Variants in CROCC2 observed in about 807,000 individuals in gnomAD.
CROCC2 encodes ciliary rootlet coiled-coil protein 2.
In CROCC2, 163 loss-of-function variants were observed where a neutral mutation model predicts 177.6. The observed-to-expected ratio is 0.92, with a 90% CI of 0.81 to 1.05. The LOEUF is 1.05. Among genes scored for constraint, CROCC2 ranks in the 50% least tolerant of loss-of-function variants. The probability of loss-of-function intolerance (pLI) is 0.00; values close to 1 mark genes in which losing one functional copy is unlikely to be tolerated. For missense variants in CROCC2, 1,929 were observed against 1,797.8 expected (o/e 1.07, Z -1.32); for synonymous variants, 904 against 787.3 (o/e 1.15, Z -2.48).
intron 1 of CROCC2, among the ~76,000 whole-genome samples, chr2:240,913,501 C>A (rs749222784): frequency 6.6e-6 from 1 of 152,210 alleles, no homozygotes; most frequent in African/African-American, 2.4e-5. Context: ...AGGAGCAGTG[C>A]GCTGTGTCCG....
intron 28 of CROCC2, among the ~76,000 whole-genome samples, chr2:240,983,873 A>T (rs1424516847): frequency 6.6e-6 from 1 of 152,060 alleles, no homozygotes; most frequent in Non-Finnish European, 1.5e-5. Context: ...GACACATCAC[A>T]CACCCCAGAG....
In CROCC2 at chr2:240,918,925, G is replaced by T. The variant is rs772492750; in HGVS notation, c.229+49G>T. The T allele has an allele frequency of 2.1e-5, 14 of 665,008 alleles. No homozygotes were observed. In the South Asian group the frequency reaches 2.3e-4, roughly 11 times the overall value. The allele number at this position is 665,008 out of a possible 1,614,324, so 41.2% of individuals were successfully genotyped here. On this transcript the variant is annotated intron_variant, in intron 2 of 31. Coordinates refer to ENST00000690015, the MANE Select transcript of CROCC2 (RefSeq NM_001351305.2). This position sits in a 1 kb window ranked among gnomAD's most constrained non-coding sequence, Gnocchi z 6.3. ...GGGCCCGGGGCTGGCCAAGGTGACG[G>T]CGTGGGGGACAGTCCTGGGCCCGGT...
At chr2:240,974,410 C>T (rs1202007408) in intron 27 of CROCC2, among the ~76,000 whole-genome samples, 7 of 146,740 alleles carry the variant, frequency 4.8e-5, no homozygotes, top group African/African-American at 7.6e-5. Flanking sequence ...GGCATGATTT[C>T]GGCTCACTGC....
chr2:240,963,340 G>T, intron 20 of CROCC2: 6 of 546,362 alleles, frequency 1.1e-5, no homozygotes, highest in Non-Finnish European at 1.9e-5. Flanking sequence ...GGGTCTTCTG[G>T]GCTCTTAGGC....
In CROCC2 at chr2:240,965,979, G is replaced by C; in HGVS notation, c.3947G>C (p.Gly1316Ala). 4 of 1,369,568 alleles carry C rather than the reference G, an allele frequency of 2.9e-6. No homozygotes were observed. Among genetic ancestry groups the C allele is most frequent in the Non-Finnish European group, 3.7e-6 (4 of 1,068,412 alleles). 84.8% of individuals were successfully genotyped at this position (1,369,568 alleles called of 1,614,324 possible). ...CCGTGGGCCTCCCCGGAGCAGCCTG[G>C]TTCCCCCACCAAAGGTCAGAGTCCT... The part of the protein sequence containing the change: ...QSPWASPEQP[G>A]SPTKGSDSSQ... Residue 1316 changes from glycine (G) to alanine (A), a missense_variant, in exon 24 of 32, where the codon GGT becomes GCT. By Grantham distance (60) the Gly-to-Ala change is moderately conservative. This residue lies in a region of CROCC2 where 144 missense variants were observed against 205.2 expected (regional missense o/e 0.70). Coordinates refer to ENST00000690015, the MANE Select transcript of CROCC2 (RefSeq NM_001351305.2).
At chr2:240,963,899 G>A in intron 21 of CROCC2, 126 bp downstream of exon 21, 1 of 1,024,474 alleles carries the variant, frequency 9.8e-7, no homozygotes, top group Non-Finnish European at 1.4e-6. Flanking sequence ...CTGATGGTGG[G>A]GTAGACATGC....
chr2:240,920,934 T>C (rs1054357278), intron 3 of CROCC2, among the ~76,000 whole-genome samples: 1 of 152,054 alleles, frequency 6.6e-6, no homozygotes, highest in East Asian at 1.9e-4. Context: ...CCTTGTGGGG[T>C]ACTCAGGGCC....
chr2:240,926,331 A>T (rs2059395578), intron 5 of CROCC2, among the ~76,000 whole-genome samples: 1 of 152,192 alleles, frequency 6.6e-6, no homozygotes, highest in Non-Finnish European at 1.5e-5. Context: ...ACCCTGAGGC[A>T]TGCAGGGGGT....
intron 14 of CROCC2, among the ~76,000 whole-genome samples, chr2:240,941,103 A>G (rs539178957): frequency 1.3e-5 from 2 of 152,312 alleles, no homozygotes; most frequent in East Asian, 1.9e-4. Context: ...GCAAAAAAAA[A>G]TACTTAGGAA....
chr2:240,982,642 C>T lies in CROCC2; in HGVS notation c.4402-238C>T. On this transcript the variant is annotated intron_variant, in intron 27 of 31. Coordinates refer to ENST00000690015, the MANE Select transcript of CROCC2 (RefSeq NM_001351305.2). This position sits in a 1 kb window ranked among gnomAD's most constrained non-coding sequence, Gnocchi z 4.7. ...GCCCAAGTCTTTGCCCACGCTAGAC[C>T]AGACCCCCAGGACTTTCGTCTCAGG... 2.2e-6 allele frequency: 1 copy of T among 459,466 alleles called. No individual in the cohort carries two copies. The allele number at this position is 459,466 out of a possible 1,614,324, so 28.5% of individuals were successfully genotyped here. A position where few individuals can be genotyped will look rare whatever the true frequency, so the allele number is the denominator to read the frequency against.
chr2:240,935,005 C>T lies in CROCC2; in HGVS notation c.1881C>T (p.Ala627=), dbSNP rs1392273566. The change falls in exon 13 of 32, where the codon GCC becomes GCT. Residue 627 remains alanine, a synonymous_variant. Coordinates refer to ENST00000690015, the MANE Select transcript of CROCC2 (RefSeq NM_001351305.2). ...AAAGGGACTCCCTGGCCGCAATGGC[C>T]GCCTTGATGGAGGGGTTGGCTCAGG... is the stretch of plus-strand genomic sequence containing the variant. The part of the protein sequence containing the change: ...VEQRDSLAAM[A]ALMEGLAQDK... 1.4e-5 allele frequency: 20 copies of T among 1,437,882 alleles called. No homozygotes were observed. Among genetic ancestry groups the T allele is most frequent in the South Asian group, 4.5e-5 (3 of 66,650 alleles). The allele number at this position is 1,437,882 out of a possible 1,614,324, so 89.1% of individuals were successfully genotyped here.
Position 240,973,890 on chromosome 2 carries a change from G to A in CROCC2, c.4401+5628G>A, listed in dbSNP as rs898239454. On this transcript the variant is annotated intron_variant, in intron 27 of 31. Coordinates refer to ENST00000690015, the MANE Select transcript of CROCC2 (RefSeq NM_001351305.2). This position sits in a 1 kb window ranked among gnomAD's most constrained non-coding sequence, Gnocchi z 4.7. ...GAACACTCAAAATAACTTTTCTTGA[G>A]AGGTTCATTGAACTCCCCTGTACAT... 5.9e-5 allele frequency among the ~76,000 whole-genome samples: 9 copies of A among 152,196 alleles called. No individual in the cohort carries two copies. The highest frequency in any genetic ancestry group is 1.3e-4 in the Non-Finnish European group (9 of 68,040).
rs74000157 is a variant in CROCC2 at position 240,936,455 on chromosome 2, G to A, written c.2169+867G>A. 6.3e-3 allele frequency among the ~76,000 whole-genome samples: 957 copies of A among 152,292 alleles called. 10 individuals carry two copies. Among genetic ancestry groups the A allele is most frequent in the African/African-American group, 0.022 (917 of 41,550 alleles). On this transcript the variant is annotated intron_variant, in intron 14 of 31. Transcript: ENST00000690015. ...AGCCATGCAGTGTGGACGCTTTTGT[G>A]TCCAGCTTCTCTCTCTCAGCATCAT...
chr2:240,949,586 C>A lies in CROCC2; in HGVS notation c.2536C>A (p.Gln846Lys). Residue 846 changes from glutamine (Q) to lysine (K), a missense_variant, in exon 17 of 32, where the codon CAG becomes AAG. Gln to Lys is a moderately conservative substitution (Grantham distance 53). Coordinates refer to ENST00000690015, the MANE Select transcript of CROCC2 (RefSeq NM_001351305.2). This position sits in a 1 kb window ranked among gnomAD's most constrained non-coding sequence, Gnocchi z 4.5. The stretch of plus-strand genomic sequence containing the variant: ...GGAGGTCCAGGAAATGAAGCTGCGG[C>A]AGGACACGGTGCGGCTCCAGCGACA... ...DWEVQEMKLR[Q>K]DTVRLQRQVA... 6.4e-7 allele frequency: 1 copy of A among 1,550,580 alleles called. No homozygotes were observed. The highest frequency in any genetic ancestry group is 8.7e-7 in the Non-Finnish European group (1 of 1,146,964).
At position 240,932,822 on chromosome 2, in the gene CROCC2, C is replaced by T; in HGVS notation, c.1165C>T (p.Pro389Ser). The stretch of plus-strand genomic sequence containing the variant: ...CACATCCCCCCATCAAGGGGCGTCC[C>T]CACCACACATCTGCTCCCCAGCCAC... ...RATSPHQGAS[P>S]PHICSPATLD... The change falls in exon 9 of 32, where the codon CCA becomes TCA. Residue 389 changes from proline to serine, a missense_variant. Around this residue, in one of 3 missense-constraint regions of CROCC2, gnomAD observed 1,397 missense variants for 1,239.9 expected, o/e 1.13. Coordinates refer to ENST00000690015, the MANE Select transcript of CROCC2 (RefSeq NM_001351305.2). 1 of 1,541,838 alleles carries T rather than the reference C, an allele frequency of 6.5e-7. No homozygotes were observed. Among genetic ancestry groups the T allele is most frequent in the South Asian group, 1.2e-5 (1 of 83,080 alleles).
Position 240,993,053 on chromosome 2 carries a change from T to A in CROCC2, c.4947-13T>A. On this transcript the variant is annotated splice_polypyrimidine_tract_variant and intron_variant, in intron 31 of 31. Coordinates refer to ENST00000690015, the MANE Select transcript of CROCC2 (RefSeq NM_001351305.2). ...AATGCGGTGTCCACGCCTCCCTCTT[T>A]GCATCCCTGCAGCGCCCAAAGGGAC... 4.2e-6 allele frequency: 3 copies of A among 716,820 alleles called. No homozygotes were observed. Among genetic ancestry groups the A allele is most frequent in the Non-Finnish European group, 5.2e-6 (2 of 384,746 alleles). The allele number at this position is 716,820 out of a possible 1,614,324, so 44.4% of individuals were successfully genotyped here.
chr2:240,942,074 C>T (rs1268970382), intron 14 of CROCC2, among the ~76,000 whole-genome samples: 1 of 152,206 alleles, frequency 6.6e-6, no homozygotes, highest in Non-Finnish European at 1.5e-5. Flanking sequence ...TTTTGGACTT[C>T]CCAGTCTCTA....
rs1448789030 is a variant in CROCC2 at position 240,973,587 on chromosome 2, G to T, written c.4401+5325G>T. On this transcript the variant is annotated intron_variant, in intron 27 of 31. Transcript: ENST00000690015. The surrounding 1 kb of genome is among the most constrained non-coding windows in gnomAD (Gnocchi z 4.7). ...CACATCCCCAGTGCCAGCCTTGCAG[G>T]TCACCCGCCTGTGGGGGCTCAACTC... is the stretch of plus-strand genomic sequence containing the variant. Among the ~76,000 whole-genome samples the T allele has an allele frequency of 6.6e-6, 1 of 152,050 alleles. No homozygotes were observed. The highest frequency in any genetic ancestry group is 1.5e-5 in the Non-Finnish European group (1 of 67,998).
chr2:240,940,535 G>A (rs958171076), intron 14 of CROCC2, among the ~76,000 whole-genome samples: 1 of 152,106 alleles, frequency 6.6e-6, no homozygotes, highest in Admixed American at 6.6e-5. Flanking sequence ...TGCAGGGATG[G>A]TTTAACATAC....
Sources: allele counts gnomAD v4.1 joint callset (sites outside exome capture counted in the v4.1 genomes callset), GRCh38; gene constraint gnomAD v4.1.1; regional missense constraint gnomAD v4.1.1; non-coding constraint Gnocchi (gnomAD v3.1); transcripts MANE v1.5; gene names NCBI Gene and HGNC (gene_info 2026-07-23, HGNC 2026-07-21).